TMEM163: variants seen among roughly 807,000 people sequenced by gnomAD.
TMEM163 encodes the protein transmembrane protein 163.
Under a neutral mutation model 29.3 loss-of-function variants are expected in TMEM163, and 17 were observed. That is an observed-to-expected ratio of 0.58 (90% CI 0.40 to 0.87). The LOEUF is 0.87. TMEM163 is among the 40% of genes least tolerant of loss of function. TMEM163 has a pLI of 0.00. For missense variants in TMEM163, 303 were observed against 381.5 expected (o/e 0.79, Z 1.71); for synonymous variants, 157 against 160.6 (o/e 0.98, Z 0.17).
At chr2:134,659,049 T>C (rs1309070865) in intron 2 of TMEM163, among the ~76,000 whole-genome samples, 1 of 152,218 alleles carries the variant, frequency 6.6e-6, no homozygotes, top group African/African-American at 2.4e-5. Flanking sequence ...CAGACCTAGA[T>C]GGGATAGCGT....
intron 2 of TMEM163, among the ~76,000 whole-genome samples, chr2:134,674,434 C>T (rs760262443): frequency 1.3e-5 from 2 of 148,970 alleles, no homozygotes; most frequent in Non-Finnish European, 3.0e-5. Context: ...ACTCCCGCCT[C>T]CCGGGTTCAA....
chr2:134,695,916 G>T (rs1684569663), intron 2 of TMEM163, among the ~76,000 whole-genome samples: 1 of 152,122 alleles, frequency 6.6e-6, no homozygotes, highest in South Asian at 2.1e-4. Flanking sequence ...GCCAGGCGTG[G>T]TGGTGGGTGC....
At chr2:134,597,411 T>C (rs1051158879) in intron 2 of TMEM163, among the ~76,000 whole-genome samples, 2 of 152,232 alleles carry the variant, frequency 1.3e-5, no homozygotes, top group Non-Finnish European at 2.9e-5. Context: ...TATGTTGGAT[T>C]ACATTTTTTG....
At chr2:134,547,200 AAATAAAATAAAAATAAAAATTCAC>A (rs1680809975) in intron 4 of TMEM163, among the ~76,000 whole-genome samples, 1 of 152,242 alleles carries the variant, frequency 6.6e-6, no homozygotes, top group Non-Finnish European at 1.5e-5. Flanking sequence ...CGTTTTAACA[AAATAAAATAAAAATAAAAATTCAC>A]AATAAAAATC....
chr2:134,556,932 G>C (rs754289607), intron 2 of TMEM163, among the ~76,000 whole-genome samples: 1 of 152,244 alleles, frequency 6.6e-6, no homozygotes, highest in Non-Finnish European at 1.5e-5. Flanking sequence ...TGCATTGGGT[G>C]CCACAGGAAA....
chr2:134,457,096 C>T (rs188153335), intron 7 of TMEM163, among the ~76,000 whole-genome samples: 3 of 152,182 alleles, frequency 2.0e-5, no homozygotes, highest in Admixed American at 1.3e-4. Flanking sequence ...ATTTGAGGTC[C>T]ATCTATGTTG....
At chr2:134,513,271 AGTAAGT>A (rs1422370879) in intron 4 of TMEM163, among the ~76,000 whole-genome samples, 2 of 152,228 alleles carry the variant, frequency 1.3e-5, no homozygotes, top group African/African-American at 4.8e-5. Context: ...CTGTGGACGC[AGTAAGT>A]GTGGGATGTG....
At position 134,718,749 on chromosome 2, in the gene TMEM163, C is replaced by A. The variant is rs756583040; in HGVS notation, c.187G>T (p.Gly63Trp). The A allele has an allele frequency of 3.1e-5, 36 of 1,153,032 alleles. No individual in the cohort carries two copies. Among genetic ancestry groups the A allele is most frequent in the Middle Eastern group, 7.2e-4 (2 of 2,776 alleles). 71.4% of individuals were successfully genotyped at this position (1,153,032 alleles called of 1,614,324 possible). A position where few individuals can be genotyped will look rare whatever the true frequency, so the allele number is the denominator to read the frequency against. The part of the protein sequence containing the change: ...RISESGQFSD[G>W]LEDRGLLESS... Reference sequence around the variant, plus strand: ...TCGCGCTCACCTCGGTCCTCCAGCCCGTCGCTGAACTGGCCGCTCTCGCTG... The same window carrying A: ...TCGCGCTCACCTCGGTCCTCCAGCCAGTCGCTGAACTGGCCGCTCTCGCTG... The change falls in exon 1 of 8, where the codon GGG becomes TGG. Residue 63 changes from glycine to tryptophan, a missense_variant. By Grantham distance (184) the Gly-to-Trp change is radical. Around this residue, in one of 2 missense-constraint regions of TMEM163, gnomAD observed 100 missense variants for 87.2 expected, o/e 1.15. Transcript: ENST00000281924.
chr2:134,683,853 T>C (rs1684300166), intron 2 of TMEM163, among the ~76,000 whole-genome samples: 1 of 147,528 alleles, frequency 6.8e-6, no homozygotes, highest in African/African-American at 2.7e-5. Flanking sequence ...AACACCAAGG[T>C]CATCATTGGG....
At chr2:134,612,718 T>C (rs1682532815) in intron 2 of TMEM163, among the ~76,000 whole-genome samples, 1 of 152,150 alleles carries the variant, frequency 6.6e-6, no homozygotes, top group African/African-American at 2.4e-5. Flanking sequence ...GCAGAATTCG[T>C]CCTAGAAAGT....
At chr2:134,528,561 GA>G (rs575029506) in intron 4 of TMEM163, among the ~76,000 whole-genome samples, 5 of 152,292 alleles carry the variant, frequency 3.3e-5, no homozygotes, top group African/African-American at 9.6e-5. Context: ...AAACATTCTG[GA>G]AAATCTTGAT....
At chr2:134,675,749 C>G (rs1684101138) in intron 2 of TMEM163, among the ~76,000 whole-genome samples, 1 of 152,172 alleles carries the variant, frequency 6.6e-6, no homozygotes, top group African/African-American at 2.4e-5. Flanking sequence ...GAAACAGCAG[C>G]ACTAATGAAC....
intron 5 of TMEM163, among the ~76,000 whole-genome samples, chr2:134,482,328 C>T (rs541114619): frequency 6.6e-5 from 10 of 152,278 alleles, no homozygotes; most frequent in African/African-American, 2.2e-4. Flanking sequence ...ACCCAGGTCA[C>T]GATGAACTGT....
At position 134,472,590 on chromosome 2, in the gene TMEM163, T is replaced by C. The variant is rs548849746; in HGVS notation, c.556-6365A>G. Among the ~76,000 whole-genome samples the C allele has an allele frequency of 3.3e-5, 5 of 152,354 alleles. No homozygotes were observed. In the South Asian group the frequency reaches 1.0e-3, roughly 32 times the overall value. ...ACCCTTTGAGCAAGCCACCCACTTA[T>C]GTGAATTTATCTTACTGCTATACCT... On this transcript the variant is annotated intron_variant, in intron 5 of 7. Coordinates refer to ENST00000281924, the MANE Select transcript of TMEM163 (RefSeq NM_030923.5).
intron 4 of TMEM163, among the ~76,000 whole-genome samples, chr2:134,517,203 T>A (rs1395941195): frequency 6.6e-6 from 1 of 152,196 alleles, no homozygotes; most frequent in Non-Finnish European, 1.5e-5. Flanking sequence ...TCTGTGGACA[T>A]GAATTCCCTG....
At chr2:134,552,477 A>C (rs564339422) in intron 2 of TMEM163, among the ~76,000 whole-genome samples, 8 of 152,274 alleles carry the variant, frequency 5.3e-5, no homozygotes, top group African/African-American at 1.9e-4. Flanking sequence ...TAAGTAAGGC[A>C]TACACCATTG....
intron 2 of TMEM163, among the ~76,000 whole-genome samples, chr2:134,563,898 A>G (rs889346528): frequency 6.6e-6 from 1 of 152,204 alleles, no homozygotes; most frequent in African/African-American, 2.4e-5. Flanking sequence ...TACTAAAAAT[A>G]CAAAAACCTT....
chr2:134,661,622 G>A (rs917303777), intron 2 of TMEM163, among the ~76,000 whole-genome samples: 12 of 152,076 alleles, frequency 7.9e-5, no homozygotes, highest in Admixed American at 2.6e-4. Flanking sequence ...AAGTTCAAGG[G>A]GCTTATGATG....
chr2:134,573,431 G>A (rs997682382), intron 2 of TMEM163, among the ~76,000 whole-genome samples: 1 of 151,566 alleles, frequency 6.6e-6, no homozygotes, highest in Non-Finnish European at 1.5e-5. Context: ...ATTTGGCAGT[G>A]AGACATTGTT....
Sources: gnomAD v4.1 joint callset for allele counts (sites outside exome capture counted in the v4.1 genomes callset) on GRCh38, gnomAD v4.1.1 for gene constraint, gnomAD v4.1.1 regional missense constraint, MANE v1.5 for transcripts, NCBI Gene and HGNC (gene_info 2026-07-23, HGNC 2026-07-21) for gene names.